The following RELCH variants were observed in gnomAD, a reference collection of about 807,000 sequenced individuals.
RELCH encodes RAB11 binding and LisH domain, coiled-coil and HEAT repeat containing.
In RELCH, 41 loss-of-function variants were observed where a neutral mutation model predicts 150.3. The observed-to-expected ratio is 0.27, with a 90% CI of 0.21 to 0.35. RELCH has a LOEUF of 0.35. Among genes scored for constraint, RELCH ranks in the 10% least tolerant of loss-of-function variants. RELCH has a pLI of 1.00. For synonymous variants in RELCH, 478 were observed against 531.8 expected (o/e 0.90, Z 1.39); for missense variants, 1,092 against 1,467.8 (o/e 0.74, Z 4.18).
chr18:62,258,727 C>G, intron 15 of RELCH, 51 bp downstream of exon 15: 1 of 1,288,428 alleles, frequency 7.8e-7, no homozygotes. Context: ...AAGGTCTGTC[C>G]TAAGCCATCT....
intron 10 of RELCH, chr18:62,234,843 T>C (rs1278821324): frequency 6.6e-6 from 1 of 151,950 alleles, no homozygotes; most frequent in Non-Finnish European, 1.5e-5. Context: ...ACCCTTATCA[T>C]ATATATGATT....
intron 1 of RELCH, among the ~76,000 whole-genome samples, chr18:62,201,263 GC>G (rs1201161848): frequency 6.6e-6 from 1 of 151,858 alleles, no homozygotes; most frequent in East Asian, 1.9e-4. Flanking sequence ...GTGAGCCACC[GC>G]CCCCGGCCCT....
intron 27 of RELCH, among the ~76,000 whole-genome samples, chr18:62,296,472 G>A (rs2145108941): frequency 6.6e-6 from 1 of 152,224 alleles, no homozygotes; most frequent in Non-Finnish European, 1.5e-5. Context: ...TGTAATTCCA[G>A]CTACTTGGGA....
At chr18:62,194,236 C>A (rs987199438) in intron 1 of RELCH, among the ~76,000 whole-genome samples, 1 of 152,094 alleles carries the variant, frequency 6.6e-6, no homozygotes, top group African/African-American at 2.4e-5. Context: ...AAGAACGAGA[C>A]CCTGTCTCAA....
At chr18:62,225,633 A>G (rs1379458176) in intron 5 of RELCH, among the ~76,000 whole-genome samples, 1 of 152,044 alleles carries the variant, frequency 6.6e-6, no homozygotes, top group Non-Finnish European at 1.5e-5. Context: ...AATCACATTG[A>G]GATACCACAA....
Position 62,227,412 on chromosome 18 carries a change from G to T in RELCH, c.982G>T (p.Val328Leu). The change falls in exon 6 of 29, where the codon GTA (valine) becomes TTA (leucine). Residue 328 changes from valine to leucine, a missense_variant. Coordinates refer to ENST00000644646, the MANE Select transcript of RELCH (RefSeq NM_001346231.2). ...GKDLVDVASG[V>L]EEDELEALTP... ...AGATCTTGTAGATGTGGCCAGTGGA[G>T]TAGAAGAAGATGAATTAGAGGCCCT... 1.2e-6 allele frequency: 2 copies of T among 1,613,222 alleles called. No homozygotes were observed. The highest frequency in any genetic ancestry group is 1.7e-6 in the Non-Finnish European group (2 of 1,179,480).
chr18:62,208,073 A>G (rs1436067873), intron 1 of RELCH, among the ~76,000 whole-genome samples: 1 of 152,080 alleles, frequency 6.6e-6, no homozygotes, highest in Admixed American at 6.6e-5. Context: ...CATCTCTTTT[A>G]CTACAACCAT....
chr18:62,247,913 C>G (rs2042504587), intron 11 of RELCH, among the ~76,000 whole-genome samples: 1 of 152,062 alleles, frequency 6.6e-6, no homozygotes, highest in South Asian at 2.1e-4. Context: ...GGATTGTTTG[C>G]CCAAACTTTT....
At chr18:62,199,206 C>T (rs988731240) in intron 1 of RELCH, among the ~76,000 whole-genome samples, 12 of 151,368 alleles carry the variant, frequency 7.9e-5, no homozygotes, top group African/African-American at 2.4e-4. Context: ...CCTGCCTTTC[C>T]CTAAAGTTTC....
intron 20 of RELCH, among the ~76,000 whole-genome samples, chr18:62,270,819 G>A (rs56296815): frequency 0.16 from 24,494 of 149,886 alleles, 2,678 homozygotes; most frequent in Middle Eastern, 0.28. Flanking sequence ...AACAGGCCTC[G>A]GGGTGTGATG....
Position 62,264,960 on chromosome 18 carries a change from C to T in RELCH, c.2631+108C>T, listed in dbSNP as rs555021403. On this transcript the variant is annotated intron_variant, in intron 18 of 28. Transcript: ENST00000644646. ...GCATGAACCATTCTTTTATCTAATT[C>T]GCTTCTTTAATATCCTAGAATACTA... 607 of 880,464 alleles carry T rather than the reference C, an allele frequency of 6.9e-4. 7 individuals are homozygous for T. The South Asian group carries it at 0.011, about 16-fold the overall frequency. The allele number at this position is 880,464 out of a possible 1,614,324, so 54.5% of individuals were successfully genotyped here. A position where few individuals can be genotyped will look rare whatever the true frequency, so the allele number is the denominator to read the frequency against.
At chr18:62,210,881 T>C (rs2040116717) in intron 1 of RELCH, among the ~76,000 whole-genome samples, 1 of 150,082 alleles carries the variant, frequency 6.7e-6, no homozygotes, top group Admixed American at 6.6e-5. Flanking sequence ...ACTTCTGTTT[T>C]GTTTGTTTGT....
intron 20 of RELCH, among the ~76,000 whole-genome samples, chr18:62,271,017 G>T (rs1336243968): frequency 6.6e-6 from 1 of 152,138 alleles, no homozygotes; most frequent in Non-Finnish European, 1.5e-5. Flanking sequence ...TTGGTTCCAA[G>T]TCTTTGCTAT....
Position 62,255,490 on chromosome 18 carries a change from T to G in RELCH, c.1896+12T>G. 9.6e-7 allele frequency: 1 copy of G among 1,040,450 alleles called. No individual in the cohort carries two copies. The highest frequency in any genetic ancestry group is 1.3e-6 in the Non-Finnish European group (1 of 760,218). The allele number at this position is 1,040,450 out of a possible 1,614,324, so 64.5% of individuals were successfully genotyped here. A position where few individuals can be genotyped will look rare whatever the true frequency, so the allele number is the denominator to read the frequency against. On this transcript the variant is annotated intron_variant, in intron 13 of 28. Coordinates refer to ENST00000644646, the MANE Select transcript of RELCH (RefSeq NM_001346231.2). ...CACCTTACCTTCCTGTAAGATTGTC[T>G]TTTTTTTTTTCTTTAAACTATTTTT...
intron 10 of RELCH, among the ~76,000 whole-genome samples, chr18:62,242,841 T>TG (rs770842966): frequency 6.6e-6 from 1 of 151,808 alleles, no homozygotes; most frequent in East Asian, 1.9e-4. Flanking sequence ...ACATTTTAAG[T>TG]GTGTGTGTGT....
At chr18:62,262,325 A>G (rs918414667) in intron 16 of RELCH, among the ~76,000 whole-genome samples, 9 of 152,048 alleles carry the variant, frequency 5.9e-5, no homozygotes, top group Admixed American at 3.9e-4. Context: ...TAGACAAGCT[A>G]TTGCTATGTA....
intron 1 of RELCH, among the ~76,000 whole-genome samples, chr18:62,195,588 C>A (rs755819108): frequency 2.0e-5 from 3 of 152,058 alleles, no homozygotes; most frequent in Non-Finnish European, 4.4e-5. Context: ...TGATAGATTT[C>A]TTTTACCATG....
intron 11 of RELCH, among the ~76,000 whole-genome samples, chr18:62,248,850 C>T (rs1290321721): frequency 6.6e-6 from 1 of 151,992 alleles, no homozygotes; most frequent in Non-Finnish European, 1.5e-5. Flanking sequence ...TGAGGAGGGC[C>T]ACAGATCAGG....
At chr18:62,291,957 T>C (rs1322064849) in intron 27 of RELCH, among the ~76,000 whole-genome samples, 4 of 152,220 alleles carry the variant, frequency 2.6e-5, no homozygotes, top group Non-Finnish European at 4.4e-5. Context: ...GTTTCTATTT[T>C]CCATCTTCAT....
Sources: allele counts gnomAD v4.1 joint callset (sites outside exome capture counted in the v4.1 genomes callset), GRCh38; gene constraint gnomAD v4.1.1; transcripts MANE v1.5; gene names NCBI Gene and HGNC (gene_info 2026-07-23, HGNC 2026-07-21).